The following PPP1R2 variants were observed in gnomAD, a reference collection of about 807,000 sequenced individuals.
PPP1R2 encodes protein phosphatase inhibitor 2.
Under a neutral mutation model 29.9 loss-of-function variants are expected in PPP1R2, and 16 were observed. The ratio of observed to expected loss-of-function variants is 0.53; its 90% CI spans 0.36 to 0.81. The LOEUF (loss-of-function observed/expected upper bound fraction) is 0.81, where lower values mean the gene tolerates loss of function less well. Among genes scored for constraint, PPP1R2 ranks in the 30% least tolerant of loss-of-function variants. PPP1R2 has a pLI of 0.00. For synonymous variants in PPP1R2, 76 were observed against 91.5 expected, an observed-to-expected ratio of 0.83 and a Z score of 0.96; for missense variants, 197 against 252.7, an observed-to-expected ratio of 0.78 and a Z score of 1.49.
chr3:195,519,204 A>G lies in PPP1R2; in HGVS notation c.404-19T>C. 1 of 1,568,288 alleles carries G rather than the reference A, an allele frequency of 6.4e-7. No individual in the cohort carries two copies. Among genetic ancestry groups the G allele is most frequent in the South Asian group, 1.2e-5 (1 of 85,050 alleles). The stretch of plus-strand genomic sequence containing the variant: ...TTTTTTTCTATAAGATGCAAAATGT[A>G]AACTTAGGAAGTTTGAGCTCAAGGA... On this transcript the variant is annotated intron_variant, in intron 4 of 5. Coordinates refer to ENST00000618156, the MANE Select transcript of PPP1R2 (RefSeq NM_006241.8).
chr3:195,533,671 A>G (rs1253075201), intron 1 of PPP1R2, among the ~76,000 whole-genome samples: 1 of 152,240 alleles, frequency 6.6e-6, no homozygotes, highest in Non-Finnish European at 1.5e-5. Context: ...TTGTAAAAAT[A>G]AAATCAAATA....
chr3:195,524,147 T>G (rs1048679236), intron 3 of PPP1R2, among the ~76,000 whole-genome samples: 1 of 151,482 alleles, frequency 6.6e-6, no homozygotes, highest in African/African-American at 2.4e-5. Context: ...GTGGAATGGG[T>G]GCTAGAAATC....
At chr3:195,527,891 TA>T (rs1719031506) in intron 2 of PPP1R2, 4 of 375,656 alleles carry the variant, frequency 1.1e-5, no homozygotes, top group South Asian at 7.9e-5. Flanking sequence ...TTAAGATTTT[TA>T]AAGTATATAC....
Position 195,524,448 on chromosome 3 carries a change from T to G in PPP1R2, c.308+371A>C, listed in dbSNP as rs561905388. On this transcript the variant is annotated intron_variant, in intron 3 of 5. Coordinates refer to ENST00000618156, the MANE Select transcript of PPP1R2 (RefSeq NM_006241.8). ...GCTGAGGCACGAGAATTGCTTGAAC[T>G]TGGGAGGTGGAGGTTGCAGTGAGTT... Among the ~76,000 whole-genome samples, 12 of 152,200 alleles carry G rather than the reference T, an allele frequency of 7.9e-5. No homozygotes were observed. The East Asian group carries it at 2.3e-3, about 29-fold the overall frequency.
rs1719670276 is a variant in PPP1R2, at chr3:195,543,144, C to G, written c.-119G>C. ...AGATCCCGCTCAGGGCTAAAGCGGC[C>G]GCAACTGCTGCCTCGGAAACGGCTA... is the stretch of plus-strand genomic sequence containing the variant. On this transcript the variant is annotated 5_prime_UTR_variant, in exon 1 of 6. Coordinates refer to ENST00000618156, the MANE Select transcript of PPP1R2 (RefSeq NM_006241.8). 3.8e-6 allele frequency: 5 copies of G among 1,311,834 alleles called. No homozygotes were observed. Among genetic ancestry groups the G allele is most frequent in the Non-Finnish European group, 5.0e-6 (5 of 991,916 alleles). The allele number at this position is 1,311,834 out of a possible 1,614,324, so 81.3% of individuals were successfully genotyped here. A position where few individuals can be genotyped will look rare whatever the true frequency, so the allele number is the denominator to read the frequency against.
At chr3:195,535,071 C>T (rs1719325123) in intron 1 of PPP1R2, among the ~76,000 whole-genome samples, 1 of 152,204 alleles carries the variant, frequency 6.6e-6, no homozygotes, top group Non-Finnish European at 1.5e-5. Context: ...CTTTTTAGCA[C>T]CAGTGAGCGG....
chr3:195,528,639 A>G (rs980957663), intron 2 of PPP1R2: 2 of 151,050 alleles, frequency 1.3e-5, no homozygotes, highest in African/African-American at 4.9e-5. Context: ...TAATTCAATG[A>G]CAAAATATTT....
intron 5 of PPP1R2, among the ~76,000 whole-genome samples, chr3:195,518,650 CA>C (rs35912447): frequency 0.8 from 106,614 of 133,942 alleles, 41,336 homozygotes; most frequent in East Asian, 0.97. Context: ...GACTCTGTCT[CA>C]AAAAAAAAAA....
At chr3:195,524,947 C>A (rs1718910089) in intron 2 of PPP1R2, 51 bp from the exon 3 acceptor site, 2 of 1,501,516 alleles carry the variant, frequency 1.3e-6, no homozygotes, top group South Asian at 2.3e-5. Flanking sequence ...CATTTTCAGC[C>A]ACAAAAACAA....
intron 2 of PPP1R2, among the ~76,000 whole-genome samples, chr3:195,528,161 AT>A (rs1415617846): frequency 1.3e-5 from 2 of 151,852 alleles, no homozygotes; most frequent in African/African-American, 4.8e-5. Flanking sequence ...CACCCCTCCC[AT>A]CCCCAAAGTC....
rs1028314193 is a variant in PPP1R2, at chr3:195,529,717, A to G, written c.230+77T>C. The G allele has an allele frequency of 3.9e-6, 4 of 1,019,336 alleles. No individual in the cohort carries two copies. In the African/African-American group the frequency reaches 6.6e-5, roughly 17 times the overall value. 63.1% of individuals were successfully genotyped at this position (1,019,336 alleles called of 1,614,324 possible). ...AATCTACAATAAAACAAATTCAAATAGGCTGTTATCCAGACGTTCATATGA... is the reference window on the plus strand; with the variant it reads ...AATCTACAATAAAACAAATTCAAATGGGCTGTTATCCAGACGTTCATATGA... On this transcript the variant is annotated intron_variant, in intron 2 of 5. Transcript: ENST00000618156.
intron 1 of PPP1R2, 105 bp from the exon 2 acceptor site, chr3:195,530,006 G>A: frequency 1.3e-6 from 1 of 755,490 alleles, no homozygotes; most frequent in Non-Finnish European, 2.2e-6. Flanking sequence ...CTATTTGATG[G>A]CCAACCTCTA....
chr3:195,540,458 CAT>C (rs1719553646), intron 1 of PPP1R2, among the ~76,000 whole-genome samples: 3 of 152,152 alleles, frequency 2.0e-5, no homozygotes, highest in Non-Finnish European at 4.4e-5. Flanking sequence ...AAGAGGATCT[CAT>C]AAAGTTTGCA....
intron 1 of PPP1R2, among the ~76,000 whole-genome samples, chr3:195,540,779 C>T (rs534700191): frequency 1.3e-5 from 2 of 152,300 alleles, no homozygotes; most frequent in Non-Finnish European, 1.5e-5. Context: ...AGCAAAAACG[C>T]TCTCACCAGA....
At chr3:195,537,696 ATTTAG>A (rs66832318) in intron 1 of PPP1R2, among the ~76,000 whole-genome samples, 40,173 of 151,738 alleles carry the variant, frequency 0.26, 6,243 homozygotes, top group Admixed American at 0.45. Flanking sequence ...TTTGTTTGCC[ATTTAG>A]TTTACTTTCT....
chr3:195,538,366 C>T (rs1289391535), intron 1 of PPP1R2, among the ~76,000 whole-genome samples: 1 of 152,196 alleles, frequency 6.6e-6, no homozygotes. Context: ...ACTTTAATTG[C>T]ACATTTCAAG....
At chr3:195,542,648 C>T (rs1719638690) in intron 1 of PPP1R2, among the ~76,000 whole-genome samples, 1 of 152,062 alleles carries the variant, frequency 6.6e-6, no homozygotes, top group Non-Finnish European at 1.5e-5. Flanking sequence ...TTTGATGTTC[C>T]CGATTACAGA....
chr3:195,521,039 G>A (rs560855462), intron 4 of PPP1R2, among the ~76,000 whole-genome samples: 74 of 152,020 alleles, frequency 4.9e-4, no homozygotes, highest in African/African-American at 1.6e-3. Flanking sequence ...ACTGAAGTCC[G>A]GGCGCAGTGC....
chr3:195,543,182 T>C lies in PPP1R2; in HGVS notation c.-157A>G. The C allele has an allele frequency of 1.9e-6, 2 of 1,057,234 alleles. No homozygotes were observed. Among genetic ancestry groups the C allele is most frequent in the Non-Finnish European group, 2.6e-6 (2 of 767,816 alleles). 65.5% of individuals were successfully genotyped at this position (1,057,234 alleles called of 1,614,324 possible). On this transcript the variant is annotated 5_prime_UTR_variant, in exon 1 of 6. Coordinates refer to ENST00000618156, the MANE Select transcript of PPP1R2 (RefSeq NM_006241.8). ...TCGGAAACGGCTACCGCAGCGGTTGTCACGACACAACGACCCCGACGCCAG... is the reference window on the plus strand; with the variant it reads ...TCGGAAACGGCTACCGCAGCGGTTGCCACGACACAACGACCCCGACGCCAG...
Sources: allele counts gnomAD v4.1 joint callset (sites outside exome capture counted in the v4.1 genomes callset), GRCh38; gene constraint gnomAD v4.1.1; transcripts MANE v1.5; gene names NCBI Gene and HGNC (gene_info 2026-07-23, HGNC 2026-07-21).